Variants in LRP2 observed in about 807,000 individuals in gnomAD.
LRP2 encodes the protein LDL receptor related protein 2.
LRP2 carries 172 observed loss-of-function variants against 531.0 expected under a neutral mutation model. The ratio of observed to expected loss-of-function variants is 0.32; its 90% confidence interval spans 0.29 to 0.37. The LOEUF (loss-of-function observed/expected upper bound fraction) is 0.37. LRP2 is among the 10% of genes least tolerant of loss of function. The pLI, the probability that LRP2 is intolerant of heterozygous loss-of-function variation, is 1.00. For synonymous variants in LRP2, 1,992 were observed against 2,027.6 expected (o/e 0.98, Z 0.47); for missense variants, 5,167 against 5,868.3 (o/e 0.88, Z 3.90).
chr2:169,327,962 G>A (rs1283231026), intron 1 of LRP2, among the ~76,000 whole-genome samples: 3 of 101,846 alleles, frequency 2.9e-5, no homozygotes, highest in East Asian at 3.9e-4. Context: ...CCGGCCAGCC[G>A]CCCCGTCCGG....
At chr2:169,327,276 C>G (rs1244132952) in intron 1 of LRP2, among the ~76,000 whole-genome samples, 1 of 96,778 alleles carries the variant, frequency 1.0e-5, no homozygotes, top group African/African-American at 3.7e-5. Flanking sequence ...GGGGGTCAGC[C>G]CCCCGCCCGG....
intron 10 of LRP2, among the ~76,000 whole-genome samples, chr2:169,280,798 C>A (rs1328807156): frequency 6.6e-6 from 1 of 152,178 alleles, no homozygotes; most frequent in Admixed American, 6.5e-5. Flanking sequence ...GTCCAATGCA[C>A]TTTCAATGAC....
At chr2:169,286,698 G>A (rs999807312) in intron 9 of LRP2, among the ~76,000 whole-genome samples, 1 of 152,142 alleles carries the variant, frequency 6.6e-6, no homozygotes, top group Non-Finnish European at 1.5e-5. Flanking sequence ...ACAAAAAACT[G>A]AGAACAGCTT....
At chr2:169,269,970 A>G (rs141248390) in intron 16 of LRP2, among the ~76,000 whole-genome samples, 129,284 of 151,776 alleles carry the variant, frequency 0.85, 55,658 homozygotes, top group East Asian at 0.97. Flanking sequence ...CTTCTCAAAA[A>G]AAGACATTTA....
intron 20 of LRP2, 114 bp downstream of exon 20, chr2:169,247,264 A>G (rs1690044804): frequency 2.6e-6 from 3 of 1,154,526 alleles, no homozygotes; most frequent in Non-Finnish European, 3.7e-6. Context: ...CAAGAATATA[A>G]AACTACCAGG....
rs186802407 is a variant in LRP2 at position 169,145,975 on chromosome 2, C to T, written c.12812-52G>A. 65 of 1,500,446 alleles carry T rather than the reference C, an allele frequency of 4.3e-5. No individual in the cohort carries two copies. The African/African-American group carries it at 8.5e-4, about 20-fold the overall frequency. The allele number at this position is 1,500,446 out of a possible 1,614,324, so 92.9% of individuals were successfully genotyped here. Reference sequence around the variant, plus strand: ...ACAGAAGGTTATTGAAAAGAAAATACCCACTACACCCTACCGCCACTTCTA... The same window carrying T: ...ACAGAAGGTTATTGAAAAGAAAATATCCACTACACCCTACCGCCACTTCTA... On this transcript the variant is annotated intron_variant, in intron 69 of 78. Transcript: ENST00000649046.
intron 1 of LRP2, among the ~76,000 whole-genome samples, chr2:169,347,482 A>C (rs1446146620): frequency 6.6e-6 from 1 of 152,174 alleles, no homozygotes; most frequent in Non-Finnish European, 1.5e-5. Context: ...AAACAACAAC[A>C]ACCTCTGAAA....
chr2:169,304,953 C>T (rs1684376780), intron 4 of LRP2, among the ~76,000 whole-genome samples: 1 of 152,112 alleles, frequency 6.6e-6, no homozygotes, highest in African/African-American at 2.4e-5. Context: ...TCTCAGCAAA[C>T]TAACACAGGA....
rs1442574566 is a variant in LRP2 at position 169,362,342 on chromosome 2, G to A, written c.58C>T (p.Leu20=). The part of the protein sequence containing the change: ...CTLLLALVAC[L]APASGQECDS... ...TTACCTTGGCCACTGGCCGGCGCTAGGCAGGCGACGAGAGCCAGGAGCAGC... is the reference window on the plus strand; with the variant it reads ...TTACCTTGGCCACTGGCCGGCGCTAAGCAGGCGACGAGAGCCAGGAGCAGC... Residue 20 remains leucine (L), a synonymous_variant, in exon 1 of 79, where the codon CTA becomes TTA. Coordinates refer to ENST00000649046, the MANE Select transcript of LRP2 (RefSeq NM_004525.3). 1 of 1,568,056 alleles carries A rather than the reference G, an allele frequency of 6.4e-7. No homozygotes were observed. Among genetic ancestry groups the A allele is most frequent in the Non-Finnish European group, 8.6e-7 (1 of 1,158,046 alleles).
At chr2:169,288,907 C>T (rs1188039510) in intron 9 of LRP2, 119 bp downstream of exon 9, 67 of 1,519,248 alleles carry the variant, frequency 4.4e-5, no homozygotes, top group Non-Finnish European at 5.9e-5. Flanking sequence ...CTGGGTTGCT[C>T]TTTGTTATGA....
chr2:169,287,877 A>G (rs1683901897), intron 9 of LRP2, among the ~76,000 whole-genome samples: 1 of 149,334 alleles, frequency 6.7e-6, no homozygotes, highest in Admixed American at 6.7e-5. Flanking sequence ...TAATATTTTA[A>G]TAATATTAAA....
At chr2:169,160,682 T>TA (rs781574242) in intron 63 of LRP2, among the ~76,000 whole-genome samples, 71 of 52,764 alleles carry the variant, frequency 1.3e-3, no homozygotes, top group East Asian at 2.9e-3. Context: ...CTTATTTCCT[T>TA]AAAAAAAAAA....
chr2:169,360,581 C>T (rs1686121857), intron 1 of LRP2, among the ~76,000 whole-genome samples: 1 of 152,102 alleles, frequency 6.6e-6, no homozygotes, highest in South Asian at 2.1e-4. Context: ...GGTAAGATTT[C>T]CTTTTGCCAG....
intron 16 of LRP2, among the ~76,000 whole-genome samples, chr2:169,259,772 A>G (rs1690470957): frequency 1.3e-5 from 2 of 151,818 alleles, no homozygotes; most frequent in South Asian, 4.2e-4. Flanking sequence ...TTTCCTCTTT[A>G]TGGAGTTATT....
intron 3 of LRP2, among the ~76,000 whole-genome samples, chr2:169,318,472 A>C (rs1297828695): frequency 1.3e-5 from 2 of 152,218 alleles, no homozygotes; most frequent in Non-Finnish European, 2.9e-5. Flanking sequence ...ACACCCAGCT[A>C]TACACTCCAA....
chr2:169,267,844 T>A (rs915618797), intron 16 of LRP2, among the ~76,000 whole-genome samples: 1 of 151,626 alleles, frequency 6.6e-6, no homozygotes, highest in East Asian at 1.9e-4. Flanking sequence ...ATGAACAAAA[T>A]TGATAGACCG....
At chr2:169,170,808 A>T (rs1686969287) in intron 58 of LRP2, 141 bp from the exon 59 acceptor site, 2 of 708,670 alleles carry the variant, frequency 2.8e-6, no homozygotes, top group Non-Finnish European at 5.1e-6. Flanking sequence ...CAAATCATTC[A>T]CCCTCCAAAA....
chr2:169,347,213 T>C (rs1220989861), intron 1 of LRP2, among the ~76,000 whole-genome samples: 1 of 152,184 alleles, frequency 6.6e-6, no homozygotes, highest in Non-Finnish European at 1.5e-5. Flanking sequence ...CACATTGTAA[T>C]AGGAGTTTCA....
At chr2:169,255,710 G>A (rs1574184533) in intron 19 of LRP2, among the ~76,000 whole-genome samples, 1 of 152,204 alleles carries the variant, frequency 6.6e-6, no homozygotes, top group African/African-American at 2.4e-5. Flanking sequence ...TACAAACACT[G>A]GAGAATAATG....
Sources: allele counts gnomAD v4.1 joint callset (sites outside exome capture counted in the v4.1 genomes callset), GRCh38; gene constraint gnomAD v4.1.1; transcripts MANE v1.5; gene names NCBI Gene and HGNC (gene_info 2026-07-23, HGNC 2026-07-21).